PGR: variants seen among roughly 807,000 people sequenced by gnomAD.
The protein encoded by PGR is progesterone receptor, also known as nuclear receptor subfamily 3 group C member 3.
A neutral mutation model predicts 76.1 loss-of-function variants in PGR; 25 were observed. That is an observed-to-expected ratio of 0.33 (90% CI 0.24 to 0.46). The LOEUF (loss-of-function observed/expected upper bound fraction) is 0.46. Among genes scored for constraint, PGR ranks in the 20% least tolerant of loss-of-function variants. The pLI is 1.00. For missense variants in PGR, 1,172 were observed against 1,225.3 expected (o/e 0.96, Z 0.65); for synonymous variants, 579 against 535.0 (o/e 1.08, Z -1.14).
chr11:101,078,370 G>T (rs1861193229), intron 3 of PGR, among the ~76,000 whole-genome samples: 1 of 152,172 alleles, frequency 6.6e-6, no homozygotes. Context: ...ATTCTTTTAT[G>T]TAGAAAGCGA....
intron 2 of PGR, among the ~76,000 whole-genome samples, chr11:101,098,017 C>A (rs1013317131): frequency 2.0e-5 from 3 of 151,998 alleles, no homozygotes; most frequent in African/African-American, 7.2e-5. Context: ...ACCTTGTGAT[C>A]CTCCTGCCTC....
Position 101,128,444 on chromosome 11 carries a change from T to C in PGR, c.627A>G (p.Pro209=), listed in dbSNP as rs1236498643. ...CAGCGGCCTGCGGAGACGGCTTCAC[T>C]GGGGCCCCGGACCAGTGAGGGCTCT... is the stretch of plus-strand genomic sequence containing the variant. ...ASESPHWSGA[P]VKPSPQAAAV... The change falls in exon 1 of 8, where the codon CCA becomes CCG. Residue 209 remains proline, a synonymous_variant. Coordinates refer to ENST00000325455, the MANE Select transcript of PGR (RefSeq NM_000926.4). 6.2e-7 allele frequency: 1 copy of C among 1,610,240 alleles called. No homozygotes were observed. The highest frequency in any genetic ancestry group is 1.6e-4 in the Middle Eastern group (1 of 6,062).
At chr11:101,039,780 A>T (rs1859637589) in intron 7 of PGR, among the ~76,000 whole-genome samples, 1 of 152,064 alleles carries the variant, frequency 6.6e-6, no homozygotes, top group Non-Finnish European at 1.5e-5. Flanking sequence ...CAAAAACAGC[A>T]GCAGCAGCAG....
intron 3 of PGR, among the ~76,000 whole-genome samples, chr11:101,088,658 A>G (rs1305897549): frequency 6.6e-6 from 1 of 152,204 alleles, no homozygotes; most frequent in African/African-American, 2.4e-5. Context: ...CAGAACTACC[A>G]TTAGACCAGC....
At chr11:101,077,646 A>G (rs1470486311) in intron 3 of PGR, among the ~76,000 whole-genome samples, 1 of 152,186 alleles carries the variant, frequency 6.6e-6, no homozygotes, top group Non-Finnish European at 1.5e-5. Context: ...GACATCCCAT[A>G]CAAACACAGA....
rs955462257 is a variant in PGR, at chr11:101,037,994, G to T, written c.*1122C>A. 1.4e-5 allele frequency: 3 copies of T among 210,060 alleles called. No homozygotes were observed. The highest frequency in any genetic ancestry group is 6.8e-5 in the African/African-American group (3 of 44,046). The allele number at this position is 210,060 out of a possible 1,614,324, so 13.0% of individuals were successfully genotyped here. ...ATTACTGCTTGGAAGACTCAGGGAA[G>T]ATTTTACAGAAATGACATTTGGCTG... On this transcript the variant is annotated 3_prime_UTR_variant, in exon 8 of 8. Transcript: ENST00000325455.
intron 2 of PGR, among the ~76,000 whole-genome samples, chr11:101,102,832 G>A (rs545923241): frequency 3.4e-4 from 43 of 125,384 alleles, no homozygotes; most frequent in African/African-American, 1.2e-3. Context: ...CATGAAAGAC[G>A]AATTTTCCAC....
intron 3 of PGR, among the ~76,000 whole-genome samples, chr11:101,082,193 T>G (rs762395784): frequency 1.3e-5 from 2 of 152,164 alleles, no homozygotes; most frequent in Admixed American, 6.5e-5. Flanking sequence ...CCTTCCACCA[T>G]GATTGTAAGT....
chr11:101,086,678 G>C (rs1258462330), intron 3 of PGR, among the ~76,000 whole-genome samples: 1 of 152,062 alleles, frequency 6.6e-6, no homozygotes, highest in Non-Finnish European at 1.5e-5. Flanking sequence ...TTTATAACTA[G>C]AAAACCCTAA....
At chr11:101,127,330 A>T in intron 1 of PGR, 104 bp downstream of exon 1, 2 of 817,100 alleles carry the variant, frequency 2.4e-6, no homozygotes, top group Non-Finnish European at 3.5e-6. Flanking sequence ...CGCCCCGGGG[A>T]GCGCAGCGGT....
intron 2 of PGR, among the ~76,000 whole-genome samples, chr11:101,115,456 T>A (rs1862471563): frequency 6.6e-6 from 1 of 152,108 alleles, no homozygotes; most frequent in Non-Finnish European, 1.5e-5. Flanking sequence ...GAACCCAGCA[T>A]GGTACTAAGA....
intron 2 of PGR, among the ~76,000 whole-genome samples, chr11:101,119,223 C>T (rs767470402): frequency 8.5e-5 from 13 of 152,184 alleles, no homozygotes; most frequent in Non-Finnish European, 1.5e-4. Flanking sequence ...GCCATGGGCC[C>T]GCACCGGACC....
chr11:101,078,555 G>A (rs564747030), intron 3 of PGR, among the ~76,000 whole-genome samples: 4 of 152,274 alleles, frequency 2.6e-5, no homozygotes, highest in African/African-American at 9.6e-5. Context: ...TCATCCTTAA[G>A]GGTGTAACTA....
intron 4 of PGR, among the ~76,000 whole-genome samples, chr11:101,056,778 A>C (rs977446160): frequency 1.3e-5 from 2 of 152,208 alleles, no homozygotes; most frequent in Non-Finnish European, 1.5e-5. Context: ...AATCTACAAC[A>C]ATGGCAGAGC....
chr11:101,049,871 C>G (rs538159153), intron 6 of PGR, 58 bp downstream of exon 6: 46 of 1,472,704 alleles, frequency 3.1e-5, no homozygotes, highest in Non-Finnish European at 4.3e-5. Context: ...TTGTTTGCAA[C>G]TTTTCTAATG....
chr11:101,105,240 C>T (rs369280433), intron 2 of PGR, among the ~76,000 whole-genome samples: 10 of 152,074 alleles, frequency 6.6e-5, no homozygotes, highest in East Asian at 3.9e-4. Flanking sequence ...CTGGAGCAGA[C>T]GGCTAACATG....
chr11:101,037,419 T>TTCAA lies in PGR; in HGVS notation c.*1693_*1696dup, dbSNP rs1859547584. The stretch of plus-strand genomic sequence containing the variant: ...ATTTTTCTTGTGCTAATACCAGGTA[T>TTCAA]TCAATCAATATTTGTTGAATGAAAT... On this transcript the variant is annotated 3_prime_UTR_variant, in exon 8 of 8. Transcript: ENST00000325455. 4.6e-6 allele frequency: 1 copy of TTCAA among 219,392 alleles called. No individual in the cohort carries two copies. Among genetic ancestry groups the TTCAA allele is most frequent in the Non-Finnish European group, 9.2e-6 (1 of 109,246 alleles). The allele number at this position is 219,392 out of a possible 1,614,324, so 13.6% of individuals were successfully genotyped here.
intron 2 of PGR, among the ~76,000 whole-genome samples, chr11:101,094,536 A>G (rs1461722228): frequency 1.3e-5 from 2 of 152,200 alleles, no homozygotes; most frequent in East Asian, 1.9e-4. Context: ...CTTTGTGGGT[A>G]GTCTGTCTCA....
chr11:101,128,401 C>T lies in PGR; in HGVS notation c.670G>A (p.Glu224Lys), dbSNP rs377545422. 3.7e-5 allele frequency: 60 copies of T among 1,610,520 alleles called. No homozygotes were observed. In the East Asian group the frequency reaches 9.1e-4, roughly 25 times the overall value. ...GACTCCTCGGACTCAGAGCCATCCTCCTCCTCAACCTCCACCGCAGCGGCC... is the reference window on the plus strand; with the variant it reads ...GACTCCTCGGACTCAGAGCCATCCTTCTCCTCAACCTCCACCGCAGCGGCC... ...PQAAAVEVEE[E>K]DGSESEESAG... is the part of the protein sequence containing the mutation. The change falls in exon 1 of 8, where the codon GAG becomes AAG. Residue 224 changes from glutamate to lysine, a missense_variant. By Grantham distance (56) the Glu-to-Lys change is moderately conservative. Transcript: ENST00000325455.
Sources: allele counts gnomAD v4.1 joint callset (sites outside exome capture counted in the v4.1 genomes callset), GRCh38; gene constraint gnomAD v4.1.1; transcripts MANE v1.5; gene names NCBI Gene and HGNC (gene_info 2026-07-23, HGNC 2026-07-21).